Variants in NECTIN3 observed in about 807,000 individuals in gnomAD.
NECTIN3 encodes the protein nectin cell adhesion molecule 3.
In NECTIN3, 8 loss-of-function variants were observed where a neutral mutation model predicts 49.4. The ratio of observed to expected loss-of-function variants is 0.16; its 90% CI spans 0.10 to 0.29. The LOEUF is 0.29. Among genes scored for constraint, NECTIN3 ranks in the 10% least tolerant of loss-of-function variants. NECTIN3 has a pLI of 1.00. For synonymous variants in NECTIN3, 277 were observed against 241.1 expected (o/e 1.15, Z -1.38); for missense variants, 581 against 654.6 (o/e 0.89, Z 1.23).
At chr3:111,083,588 G>A (rs554023499) in intron 1 of NECTIN3, among the ~76,000 whole-genome samples, 2 of 152,326 alleles carry the variant, frequency 1.3e-5, no homozygotes, top group South Asian at 4.1e-4. Context: ...CTCCAGAGCT[G>A]TAACAAAGAG....
At position 111,159,970 on chromosome 3, in the gene NECTIN3, G is replaced by A. The variant is rs920353344; in HGVS notation, c.1221+12486G>A. ...GCCTTTCAAATATTTAAAGTTCTCT[G>A]ACTTGCTCTCACTGTTTTCTTTAAA... is the stretch of plus-strand genomic sequence containing the variant. On this transcript the variant is annotated intron_variant, in intron 7 of 8. Coordinates refer to the NECTIN3 transcript ENST00000493615. Among the ~76,000 whole-genome samples the A allele has an allele frequency of 5.3e-4, 80 of 152,104 alleles. 1 individual carries two copies. Among genetic ancestry groups the A allele is most frequent in the Non-Finnish European group, 4.3e-4 (29 of 68,014 alleles).
intron 7 of NECTIN3, among the ~76,000 whole-genome samples, chr3:111,182,870 A>G (rs942343462): frequency 6.6e-6 from 1 of 151,936 alleles, no homozygotes; most frequent in Non-Finnish European, 1.5e-5. Context: ...GCTTAAGTCC[A>G]TCATCTTGTT....
chr3:111,163,733 G>C (rs2035264424), intron 7 of NECTIN3, among the ~76,000 whole-genome samples: 1 of 152,058 alleles, frequency 6.6e-6, no homozygotes, highest in African/African-American at 2.4e-5. Context: ...GGCTATGAGA[G>C]GGAAGATTCA....
intron 1 of NECTIN3, among the ~76,000 whole-genome samples, chr3:111,074,559 C>G: frequency 6.6e-6 from 1 of 152,142 alleles, no homozygotes; most frequent in African/African-American, 2.4e-5. Flanking sequence ...AAATATCCAT[C>G]AAAACTGGTG....
rs1426597439 is a variant in NECTIN3 at position 111,112,167 on chromosome 3, C to A, written c.298C>A (p.Gln100Lys). 6.2e-7 allele frequency: 1 copy of A among 1,613,694 alleles called. No individual in the cohort carries two copies. Among genetic ancestry groups the A allele is most frequent in the Non-Finnish European group, 8.5e-7 (1 of 1,179,846 alleles). The change falls in exon 2 of 6, where the codon CAG (glutamine) becomes AAG (lysine). Residue 100 changes from glutamine to lysine, a missense_variant. Physicochemically the swap from Gln to Lys is moderately conservative, Grantham distance 53. Transcript: ENST00000485303. ...SWEKIHGKSS[Q>K]TVAVHHPQYG... ...GGAGAAGATACATGGCAAAAGTTCA[C>A]AGACTGTTGCAGTTCACCATCCCCA...
At position 111,136,533 on chromosome 3, in the gene NECTIN3, G is replaced by C; in HGVS notation, c.*2318G>C. On this transcript the variant is annotated 3_prime_UTR_variant, in exon 6 of 6. Coordinates refer to ENST00000485303, the MANE Select transcript of NECTIN3 (RefSeq NM_015480.3). ...GGAAGCATTGCACTGTTGTTTATTA[G>C]AACTTTATGTATATTTACTGTACAT... 1.0e-6 allele frequency: 1 copy of C among 966,724 alleles called. No homozygotes were observed. Among genetic ancestry groups the C allele is most frequent in the Non-Finnish European group, 1.2e-6 (1 of 813,280 alleles). The allele number at this position is 966,724 out of a possible 1,614,324, so 59.9% of individuals were successfully genotyped here. A position where few individuals can be genotyped will look rare whatever the true frequency, so the allele number is the denominator to read the frequency against.
chr3:111,125,182 C>T (rs2034115057), intron 4 of NECTIN3, among the ~76,000 whole-genome samples: 1 of 151,746 alleles, frequency 6.6e-6, no homozygotes, highest in South Asian at 2.1e-4. Context: ...GCACCCGCCA[C>T]CATGCCCAAC....
intron 1 of NECTIN3, among the ~76,000 whole-genome samples, chr3:111,093,434 T>TTC (rs1231957661): frequency 1.3e-5 from 2 of 151,212 alleles, no homozygotes; most frequent in East Asian, 3.9e-4. Flanking sequence ...GGGTTTTTTT[T>TTC]TTTTTTTGAG....
chr3:111,134,850 T>G lies in NECTIN3; in HGVS notation c.*635T>G, dbSNP rs2034521945. 2.0e-6 allele frequency: 2 copies of G among 982,702 alleles called. No homozygotes were observed. The highest frequency in any genetic ancestry group is 2.4e-6 in the Non-Finnish European group (2 of 827,556). 60.9% of individuals were successfully genotyped at this position (982,702 alleles called of 1,614,324 possible). A position where few individuals can be genotyped will look rare whatever the true frequency, so the allele number is the denominator to read the frequency against. ...GCTTTTCAAAGATATTTTGTTGCACTAAAACTGTGGTAGTAAACTCAGTGA... is the reference window on the plus strand; with the variant it reads ...GCTTTTCAAAGATATTTTGTTGCACGAAAACTGTGGTAGTAAACTCAGTGA... On this transcript the variant is annotated 3_prime_UTR_variant, in exon 6 of 6. Transcript: ENST00000485303.
At chr3:111,192,571 G>A (rs2035831683) in intron 1 of NECTIN3, among the ~76,000 whole-genome samples, 1 of 152,150 alleles carries the variant, frequency 6.6e-6, no homozygotes, top group Admixed American at 6.5e-5. Context: ...ACTCTTAGAA[G>A]TAATCAAGTT....
At chr3:111,076,963 A>T (rs1193715789) in intron 1 of NECTIN3, among the ~76,000 whole-genome samples, 1 of 150,956 alleles carries the variant, frequency 6.6e-6, no homozygotes, top group Non-Finnish European at 1.5e-5. Context: ...GTGACGGAGC[A>T]AGACTCCGTC....
rs529172022 is a variant in NECTIN3 at position 111,124,584 on chromosome 3, A to C, written c.918-1600A>C. 9.2e-5 allele frequency among the ~76,000 whole-genome samples: 14 copies of C among 152,278 alleles called. No homozygotes were observed. In the South Asian group the frequency reaches 2.3e-3, roughly 25 times the overall value. ...TCTTTCCAAAGCCTTCTAAAGAAAAAGGTTAGGTGCTTTTGTTTTCGTTTT... is the reference window on the plus strand; with the variant it reads ...TCTTTCCAAAGCCTTCTAAAGAAAACGGTTAGGTGCTTTTGTTTTCGTTTT... On this transcript the variant is annotated intron_variant, in intron 4 of 5. Transcript: ENST00000485303.
At chr3:111,080,759 A>G (rs1170269670) in intron 1 of NECTIN3, among the ~76,000 whole-genome samples, 4 of 151,914 alleles carry the variant, frequency 2.6e-5, no homozygotes, top group Non-Finnish European at 2.9e-5. Flanking sequence ...GCTAGGGAGT[A>G]TAAAGGATAC....
At chr3:111,133,377 A>G (rs1204201214) in intron 5 of NECTIN3, among the ~76,000 whole-genome samples, 1 of 152,004 alleles carries the variant, frequency 6.6e-6, no homozygotes, top group Non-Finnish European at 1.5e-5. Flanking sequence ...CTTGGAATGG[A>G]AGAATTACAA....
intron 7 of NECTIN3, among the ~76,000 whole-genome samples, chr3:111,180,385 A>G (rs2107531915): frequency 6.6e-6 from 1 of 152,330 alleles, no homozygotes; most frequent in Middle Eastern, 3.4e-3. Flanking sequence ...GCGTACGCAT[A>G]TGTGTAATTA....
At chr3:111,105,944 C>T (rs1271075636) in intron 1 of NECTIN3, among the ~76,000 whole-genome samples, 1 of 150,782 alleles carries the variant, frequency 6.6e-6, no homozygotes, top group African/African-American at 2.4e-5. Context: ...CACCACTCCA[C>T]CAAAACAGTT....
intron 7 of NECTIN3, among the ~76,000 whole-genome samples, chr3:111,162,217 A>G (rs958231075): frequency 1.3e-5 from 2 of 152,106 alleles, no homozygotes; most frequent in African/African-American, 2.4e-5. Context: ...AAAAAATCTC[A>G]GTCATAGTTA....
rs1012467165 is a variant in NECTIN3, at chr3:111,135,300, A to G, written c.*1085A>G. 53 of 959,288 alleles carry G rather than the reference A, an allele frequency of 5.5e-5. No individual in the cohort carries two copies. Among genetic ancestry groups the G allele is most frequent in the African/African-American group, 2.5e-4 (14 of 56,542 alleles). 59.4% of individuals were successfully genotyped at this position (959,288 alleles called of 1,614,324 possible). On this transcript the variant is annotated 3_prime_UTR_variant, in exon 6 of 6. Coordinates refer to ENST00000485303, the MANE Select transcript of NECTIN3 (RefSeq NM_015480.3). ...TAGTCGGTAACACTTGCTAATGGAC[A>G]TTGGCATTCATCTCCTTTTTCCTCC...
intron 7 of NECTIN3, among the ~76,000 whole-genome samples, chr3:111,180,574 AATATT>A (rs2035608389): frequency 6.6e-6 from 1 of 152,196 alleles, no homozygotes; most frequent in South Asian, 2.1e-4. Flanking sequence ...CAGTTTTAAT[AATATT>A]ATATTAATTC....
Sources: gnomAD v4.1 joint callset for allele counts (sites outside exome capture counted in the v4.1 genomes callset) on GRCh38, gnomAD v4.1.1 for gene constraint, MANE v1.5 for transcripts, NCBI Gene and HGNC (gene_info 2026-07-23, HGNC 2026-07-21) for gene names.